SLC30A7: variants seen among roughly 807,000 people sequenced by gnomAD.
SLC30A7 encodes the protein zinc transporter 7.
Under a neutral mutation model 46.0 loss-of-function variants are expected in SLC30A7, and 35 were observed. That is an observed-to-expected ratio of 0.76 (90% CI 0.58 to 1.01). SLC30A7 has a LOEUF of 1.01. Among genes scored for constraint, SLC30A7 ranks in the 50% least tolerant of loss-of-function variants. The pLI, the probability that SLC30A7 is intolerant of heterozygous loss-of-function variation, is 0.00. For synonymous variants in SLC30A7, 147 were observed against 157.8 expected (o/e 0.93, Z 0.51); for missense variants, 464 against 451.1 (o/e 1.03, Z -0.26).
At chr1:100,990,560 T>G in the SLC30A7 span, 111 of 1,614,008 alleles carry the variant, frequency 6.9e-5, no homozygotes, top group Non-Finnish European at 9.0e-5. Context: ...TGCCTTAAAG[T>G]GCCTGCTGCA....
At chr1:100,905,708 C>T (rs12097478) in intron 2 of SLC30A7, among the ~76,000 whole-genome samples, 127 of 152,016 alleles carry the variant, frequency 8.4e-4, no homozygotes, top group African/African-American at 3.0e-3. Flanking sequence ...TGTTATTCCT[C>T]CATATTGTAA....
Position 100,974,797 on chromosome 1 carries a change from TCTTA to T in SLC30A7, c.1084-9_1084-6del, listed in dbSNP as rs1180519494. The T allele has an allele frequency of 3.8e-6, 6 of 1,572,034 alleles. No individual in the cohort carries two copies. Among genetic ancestry groups the T allele is most frequent in the Non-Finnish European group, 5.2e-6 (6 of 1,152,558 alleles). ...TGTTAGATTTTCTAACTTTTTTTTT[TCTTA>T]CTTTTCAGGCTGGAGTGAGACAGCT... is the stretch of plus-strand genomic sequence containing the variant. On this transcript the variant is annotated splice_polypyrimidine_tract_variant and intron_variant, in intron 10 of 10. Coordinates refer to ENST00000357650, the MANE Select transcript of SLC30A7 (RefSeq NM_133496.5).
At chr1:100,953,665 A>G (rs1655072382) in intron 8 of SLC30A7, among the ~76,000 whole-genome samples, 1 of 152,198 alleles carries the variant, frequency 6.6e-6, no homozygotes, top group African/African-American at 2.4e-5. Flanking sequence ...TACCATATTT[A>G]ATATGAATAA....
intron 8 of SLC30A7, among the ~76,000 whole-genome samples, chr1:100,927,777 A>C (rs531719833): frequency 1.2e-4 from 19 of 152,196 alleles, no homozygotes; most frequent in Non-Finnish European, 2.2e-4. Context: ...TAAGATATAA[A>C]GGTAATTGAT....
chr1:100,896,858 G>A (rs1651000842), intron 2 of SLC30A7, among the ~76,000 whole-genome samples, 187 bp downstream of exon 2: 2 of 152,040 alleles, frequency 1.3e-5, no homozygotes, highest in African/African-American at 4.8e-5. Context: ...GTAAGATCTG[G>A]GCCTATCCTG....
At chr1:100,920,488 T>G (rs1652868277) in intron 7 of SLC30A7, among the ~76,000 whole-genome samples, 3 of 152,032 alleles carry the variant, frequency 2.0e-5, no homozygotes, top group African/African-American at 4.8e-5. Flanking sequence ...CTGTTCTTTT[T>G]GAAGAACAGT....
At chr1:100,937,877 T>G (rs926268640) in intron 8 of SLC30A7, among the ~76,000 whole-genome samples, 1 of 152,190 alleles carries the variant, frequency 6.6e-6, no homozygotes, top group African/African-American at 2.4e-5. Flanking sequence ...TTTTATAGTT[T>G]TAGGTCTTAC....
chr1:100,956,902 C>A lies in SLC30A7; in HGVS notation c.843-4926C>A, dbSNP rs150668396. On this transcript the variant is annotated intron_variant, in intron 8 of 10. Transcript: ENST00000357650. ...TGTAGTTGCTTTAAATTCATATGTG[C>A]CTTCTTCTAAATGGTTGGCCCTAAA... Among the ~76,000 whole-genome samples the A allele has an allele frequency of 3.3e-5, 5 of 152,260 alleles. No individual in the cohort carries two copies. The East Asian group carries it at 9.6e-4, about 29-fold the overall frequency.
the SLC30A7 span, chr1:100,992,667 G>C: frequency 6.2e-7 from 1 of 1,613,780 alleles, no homozygotes; most frequent in Non-Finnish European, 8.5e-7. Context: ...CTTTGATTTT[G>C]AACAATCTCC....
At chr1:100,910,887 C>T (rs980530339) in intron 3 of SLC30A7, among the ~76,000 whole-genome samples, 176 bp from the exon 4 acceptor site, 3 of 152,132 alleles carry the variant, frequency 2.0e-5, no homozygotes, top group African/African-American at 4.8e-5. Flanking sequence ...CGTACTAATT[C>T]GTTTCCTCAT....
chr1:100,930,033 A>AT (rs577130547), intron 8 of SLC30A7, among the ~76,000 whole-genome samples: 83 of 151,418 alleles, frequency 5.5e-4, no homozygotes, highest in African/African-American at 1.7e-3. Flanking sequence ...CTGTAGCTTG[A>AT]TTTTTTTTTA....
chr1:100,896,530 C>T (rs771453324), intron 1 of SLC30A7, 40 bp from the exon 2 acceptor site: 37 of 1,589,120 alleles, frequency 2.3e-5, no homozygotes, highest in Non-Finnish European at 3.2e-5. Context: ...CCGGCACCTC[C>T]TTAACTCTCC....
At chr1:100,954,517 G>C (rs773943533) in intron 8 of SLC30A7, among the ~76,000 whole-genome samples, 3 of 152,140 alleles carry the variant, frequency 2.0e-5, no homozygotes, top group Admixed American at 1.3e-4. Flanking sequence ...CCAAAGACCA[G>C]ATGCATTAGG....
the SLC30A7 span, among the ~76,000 whole-genome samples, chr1:100,991,050 A>AT: frequency 2.6e-5 from 4 of 152,222 alleles, no homozygotes; most frequent in East Asian, 7.7e-4. Flanking sequence ...AAATTCACAG[A>AT]TTTGAGTTTC....
chr1:100,907,343 G>C (rs1460051298), intron 3 of SLC30A7, among the ~76,000 whole-genome samples: 1 of 151,904 alleles, frequency 6.6e-6, no homozygotes, highest in African/African-American at 2.4e-5. Context: ...TTCTAATATG[G>C]TTTTATATTA....
intron 6 of SLC30A7, among the ~76,000 whole-genome samples, chr1:100,914,448 A>G (rs1393514295): frequency 1.3e-5 from 2 of 152,106 alleles, no homozygotes; most frequent in Admixed American, 1.3e-4. Context: ...TTTGTGCTAT[A>G]TTGGCTTATA....
intron 8 of SLC30A7, among the ~76,000 whole-genome samples, chr1:100,950,017 C>T (rs906881650): frequency 6.6e-6 from 1 of 152,210 alleles, no homozygotes; most frequent in Non-Finnish European, 1.5e-5. Context: ...CTGCAGGGTG[C>T]ACCCACTGTC....
downstream of SLC30A7, among the ~76,000 whole-genome samples, chr1:100,986,689 A>C (rs1244150921): frequency 6.6e-6 from 1 of 152,232 alleles, no homozygotes; most frequent in East Asian, 1.9e-4. Context: ...AGTGGAAACA[A>C]ACCAATTATC....
chr1:100,974,865 A>T lies in SLC30A7; in HGVS notation c.*8A>T. On this transcript the variant is annotated 3_prime_UTR_variant, in exon 11 of 11. Transcript: ENST00000357650. Reference sequence around the variant, plus strand: ...GACTTTGCAGCCATGTAGTGAATGGAAAGAAATTATGCACCTTTTATGGAC... The same window carrying T: ...GACTTTGCAGCCATGTAGTGAATGGTAAGAAATTATGCACCTTTTATGGAC... The T allele has an allele frequency of 6.3e-7, 1 of 1,598,476 alleles. No homozygotes were observed. Among genetic ancestry groups the T allele is most frequent in the South Asian group, 1.1e-5 (1 of 89,160 alleles).
Sources: allele counts gnomAD v4.1 joint callset (sites outside exome capture counted in the v4.1 genomes callset), GRCh38; gene constraint gnomAD v4.1.1; transcripts MANE v1.5; gene names NCBI Gene and HGNC (gene_info 2026-07-23, HGNC 2026-07-21).